The following POLD3 variants were observed in gnomAD, a reference collection of about 807,000 sequenced individuals.
The protein encoded by POLD3 is DNA polymerase delta 3, accessory subunit.
Under a neutral mutation model 58.2 loss-of-function variants are expected in POLD3, and 19 were observed. That is an observed-to-expected ratio of 0.33 (90% CI 0.23 to 0.48). POLD3 has a LOEUF of 0.48. POLD3 is among the 20% of genes least tolerant of loss of function. The pLI, the probability that POLD3 is intolerant of heterozygous loss-of-function variation, is 0.99. For missense variants in POLD3, 504 were observed against 545.5 expected (o/e 0.92, Z 0.76); for synonymous variants, 172 against 193.5 (o/e 0.89, Z 0.92).
intron 11 of POLD3, among the ~76,000 whole-genome samples, chr11:74,637,612 A>G (rs1017451977): frequency 2.0e-5 from 3 of 151,998 alleles, no homozygotes; most frequent in African/African-American, 4.8e-5. Context: ...TTTCTGCCCC[A>G]AAAGAAAAAA....
chr11:74,617,071 G>A (rs1031573506), intron 5 of POLD3, among the ~76,000 whole-genome samples: 3 of 152,202 alleles, frequency 2.0e-5, no homozygotes, highest in Admixed American at 6.5e-5. Context: ...CAATAAGCAA[G>A]ACTGGGAAAA....
At chr11:74,622,961 A>C (rs756529868) in intron 7 of POLD3, among the ~76,000 whole-genome samples, 1 of 152,252 alleles carries the variant, frequency 6.6e-6, no homozygotes, top group Non-Finnish European at 1.5e-5. Flanking sequence ...TGAATGGATA[A>C]ACAAAGGTGG....
chr11:74,632,841 G>T (rs557850128), intron 9 of POLD3, among the ~76,000 whole-genome samples: 178 of 140,378 alleles, frequency 1.3e-3, no homozygotes, highest in Non-Finnish European at 1.9e-3. Context: ...CCCAAATTTA[G>T]TTCAGAAAGT....
rs189658051 is a variant in POLD3 at position 74,621,758 on chromosome 11, T to G, written c.733+1669T>G. Among the ~76,000 whole-genome samples the G allele has an allele frequency of 4.7e-4, 72 of 152,280 alleles. No individual in the cohort carries two copies. In the East Asian group the frequency reaches 6.0e-3, roughly 13 times the overall value. ...AAAGCCAGGCATGGTGGTACGTGCC[T>G]GTAATCCCAGCTACTCGGGAGACCG... On this transcript the variant is annotated intron_variant, in intron 7 of 11. Transcript: ENST00000263681.
At chr11:74,634,348 T>C (rs940410978) in intron 9 of POLD3, among the ~76,000 whole-genome samples, 3 of 152,212 alleles carry the variant, frequency 2.0e-5, no homozygotes, top group African/African-American at 7.2e-5. Context: ...AAAGAAAATA[T>C]TTAGCTAAGA....
chr11:74,598,998 G>T (rs1283827087), intron 2 of POLD3, among the ~76,000 whole-genome samples: 1 of 152,294 alleles, frequency 6.6e-6, no homozygotes, highest in Middle Eastern at 3.4e-3. Context: ...GGCACATAAT[G>T]AATGCCAATA....
At position 74,594,207 on chromosome 11, in the gene POLD3, G is replaced by A. The variant is rs2031142242; in HGVS notation, c.116+91G>A. ...TTTAACTCTACAGATAGCCTACATAGATTAGAGCTAATTTGGTTTGCTGGC... is the reference window on the plus strand; with the variant it reads ...TTTAACTCTACAGATAGCCTACATAAATTAGAGCTAATTTGGTTTGCTGGC... On this transcript the variant is annotated intron_variant, in intron 2 of 11. Coordinates refer to ENST00000263681, the MANE Select transcript of POLD3 (RefSeq NM_006591.3). 12 of 767,546 alleles carry A rather than the reference G, an allele frequency of 1.6e-5. 1 individual carries two copies. The South Asian group carries it at 1.8e-4, about 12-fold the overall frequency. 47.5% of individuals were successfully genotyped at this position (767,546 alleles called of 1,614,324 possible).
intron 7 of POLD3, among the ~76,000 whole-genome samples, chr11:74,624,376 A>G (rs1346535708): frequency 6.6e-6 from 1 of 152,220 alleles, no homozygotes; most frequent in East Asian, 1.9e-4. Flanking sequence ...GAAAAGTATA[A>G]ATAGATTGCA....
rs115671750 is a variant in POLD3 at position 74,668,229 on chromosome 11, A to G, written c.370-548A>G. On this transcript the variant is annotated intron_variant, in intron 4 of 4. Coordinates refer to the POLD3 transcript ENST00000524752. ...CCAGAAATTTCATTGCTATATATGT[A>G]CCCAAAAGCAGTAAAACATACATTC... 6.4e-3 allele frequency among the ~76,000 whole-genome samples: 972 copies of G among 152,328 alleles called. 12 individuals carry two copies. The highest frequency in any genetic ancestry group is 0.022 in the African/African-American group (915 of 41,570).
At chr11:74,651,641 A>T (rs2033069904) in intron 4 of POLD3, among the ~76,000 whole-genome samples, 3 of 152,244 alleles carry the variant, frequency 2.0e-5, no homozygotes, top group Admixed American at 1.3e-4. Context: ...GTGACATTTA[A>T]GTCAGACTTT....
chr11:74,650,024 G>A lies in POLD3; in HGVS notation c.369+13749G>A, dbSNP rs530298824. Among the ~76,000 whole-genome samples the A allele has an allele frequency of 2.0e-5, 3 of 152,258 alleles. No individual in the cohort carries two copies. The South Asian group carries it at 6.2e-4, about 32-fold the overall frequency. ...CCAGAAAGTCACCAAATTTCTCTGA[G>A]CCTCAGTCTGCTCATCTGTAAGATG... is the stretch of plus-strand genomic sequence containing the variant. On this transcript the variant is annotated intron_variant, in intron 4 of 4. Coordinates refer to the POLD3 transcript ENST00000524752.
chr11:74,602,321 A>G (rs905427212), intron 2 of POLD3, among the ~76,000 whole-genome samples: 7 of 152,174 alleles, frequency 4.6e-5, no homozygotes, highest in Admixed American at 6.5e-5. Flanking sequence ...ACAGTGACTA[A>G]TAGGCATTGC....
intron 10 of POLD3, among the ~76,000 whole-genome samples, chr11:74,635,885 C>T (rs1271710696): frequency 1.3e-5 from 2 of 152,154 alleles, no homozygotes; most frequent in African/African-American, 4.8e-5. Context: ...AGGTCCTTAT[C>T]CTATATGTCT....
At chr11:74,610,494 C>T (rs574647869) in intron 3 of POLD3, among the ~76,000 whole-genome samples, 1 of 152,316 alleles carries the variant, frequency 6.6e-6, no homozygotes, top group South Asian at 2.1e-4. Flanking sequence ...CAGGCATGAG[C>T]AGCCACATCT....
intron 11 of POLD3, chr11:74,638,772 T>C: frequency 2.3e-6 from 1 of 442,388 alleles, no homozygotes; most frequent in East Asian, 7.0e-5. Flanking sequence ...AAAATTGAAA[T>C]TCTGCATCAG....
At chr11:74,654,825 A>G (rs2033113197) in intron 4 of POLD3, among the ~76,000 whole-genome samples, 1 of 127,084 alleles carries the variant, frequency 7.9e-6, no homozygotes, top group African/African-American at 3.0e-5. Context: ...TAGCAGTCTC[A>G]GTGACGAACT....
chr11:74,636,300 T>A, intron 11 of POLD3, 25 bp downstream of exon 11: 1 of 1,610,174 alleles, frequency 6.2e-7, no homozygotes. Context: ...TGGCTCCAAA[T>A]CCAGAGATAG....
At chr11:74,655,983 G>T (rs942867182) in intron 4 of POLD3, among the ~76,000 whole-genome samples, 1 of 152,152 alleles carries the variant, frequency 6.6e-6, no homozygotes, top group Non-Finnish European at 1.5e-5. Flanking sequence ...ATTTAGTAAC[G>T]TGACAGGATA....
Position 74,636,216 on chromosome 11 carries a change from AAAG to A in POLD3, c.1142_1144del (p.Arg381del). ...TTTTAGAGCTCAAGTGGAGAAAACA[AAAG>A]AAAACGAAAACGCGTACTAAAATCT... On this transcript the variant is annotated inframe_deletion, in exon 11 of 12. Transcript: ENST00000263681. 6.2e-7 allele frequency: 1 copy of A among 1,610,706 alleles called. No individual in the cohort carries two copies. Among genetic ancestry groups the A allele is most frequent in the Non-Finnish European group, 8.5e-7 (1 of 1,176,908 alleles).
Sources: allele counts gnomAD v4.1 joint callset (sites outside exome capture counted in the v4.1 genomes callset), GRCh38; gene constraint gnomAD v4.1.1; transcripts MANE v1.5; gene names NCBI Gene and HGNC (gene_info 2026-07-23, HGNC 2026-07-21).